ZFP62: variants seen among roughly 807,000 people sequenced by gnomAD.
ZFP62 encodes the protein zinc finger protein 62 homolog.
ZFP62 carries 44 observed loss-of-function variants against 56.4 expected under a neutral mutation model. That is an observed-to-expected ratio of 0.78 (90% confidence interval 0.61 to 1.00). The LOEUF (loss-of-function observed/expected upper bound fraction) is 1.00, where lower values mean the gene tolerates loss of function less well. Ranked by LOEUF, ZFP62 falls within the 50% of genes least tolerant of loss-of-function variation. The pLI is 0.00. For missense variants in ZFP62, 1,030 were observed against 1,085.7 expected (o/e 0.95, Z 0.72); for synonymous variants, 421 against 388.9 (o/e 1.08, Z -0.97).
intron 1 of ZFP62, among the ~76,000 whole-genome samples, chr5:180,859,989 A>G (rs149735799): frequency 0.058 from 8,882 of 152,308 alleles, 336 homozygotes; most frequent in Non-Finnish European, 0.085. Flanking sequence ...ATAGATCTAA[A>G]AAAGGACAGA....
chr5:180,859,894 G>A (rs1581979302), intron 1 of ZFP62, among the ~76,000 whole-genome samples: 1 of 152,184 alleles, frequency 6.6e-6, no homozygotes, highest in South Asian at 2.1e-4. Context: ...AGTTTCTTCT[G>A]TAAAAATCCC....
the ZFP62 span, among the ~76,000 whole-genome samples, chr5:180,838,132 C>T: frequency 6.6e-6 from 1 of 152,122 alleles, no homozygotes; most frequent in African/African-American, 2.4e-5. Context: ...CAATTCAGCT[C>T]CCGTTACACA....
At chr5:180,839,504 C>T in the ZFP62 span, among the ~76,000 whole-genome samples, 1 of 152,170 alleles carries the variant, frequency 6.6e-6, no homozygotes, top group Admixed American at 6.5e-5. Context: ...AGAACTAATG[C>T]TGCAACGGAA....
chr5:180,846,897 T>C (rs768702809), downstream of ZFP62, among the ~76,000 whole-genome samples: 3 of 152,186 alleles, frequency 2.0e-5, no homozygotes, highest in Non-Finnish European at 2.9e-5. Flanking sequence ...CTTGCCAGTG[T>C]CATGTGCAAA....
At chr5:180,852,659 A>G (rs1326855953) in intron 1 of ZFP62, among the ~76,000 whole-genome samples, 1 of 152,216 alleles carries the variant, frequency 6.6e-6, no homozygotes, top group Non-Finnish European at 1.5e-5. Flanking sequence ...AAAGCTGTAC[A>G]AATGCCAGAA....
In ZFP62 at chr5:180,848,652, C is replaced by T. The variant is rs571491304; in HGVS notation, c.*140G>A. ...TTTCTTGCTTGCTATGATTGAAAAT[C>T]ACATAGAAAGGATTCCTCATAATCC... On this transcript the variant is annotated 3_prime_UTR_variant, in exon 2 of 2. Coordinates refer to ENST00000502412, the MANE Select transcript of ZFP62 (RefSeq NM_001172638.2). 1.5e-4 allele frequency: 208 copies of T among 1,375,800 alleles called. 1 individual carries two copies. In the Middle Eastern group the frequency reaches 1.7e-3, roughly 11 times the overall value. 85.2% of individuals were successfully genotyped at this position (1,375,800 alleles called of 1,614,324 possible).
At chr5:180,842,184 T>C in the ZFP62 span, among the ~76,000 whole-genome samples, 1 of 152,134 alleles carries the variant, frequency 6.6e-6, no homozygotes, top group African/African-American at 2.4e-5. Context: ...AGATCCAGAA[T>C]GAAGCCTGGG....
the ZFP62 span, among the ~76,000 whole-genome samples, chr5:180,838,666 A>T: frequency 6.6e-6 from 1 of 152,148 alleles, no homozygotes; most frequent in East Asian, 1.9e-4. Flanking sequence ...GGAAGGAAAA[A>T]GTTTTATACT....
intron 1 of ZFP62, among the ~76,000 whole-genome samples, chr5:180,854,785 AG>A (rs759516458): frequency 1.2e-4 from 19 of 152,156 alleles, no homozygotes; most frequent in Non-Finnish European, 2.2e-4. Context: ...TGGAGAGAAG[AG>A]GGGGGACTGT....
the ZFP62 span, chr5:180,831,367 G>A: frequency 6.6e-6 from 1 of 152,276 alleles, no homozygotes; most frequent in Non-Finnish European, 1.5e-5. Context: ...CACAGGCCGG[G>A]AGAAGAGGGG....
chr5:180,829,213 T>A, the ZFP62 span, among the ~76,000 whole-genome samples: 1 of 142,580 alleles, frequency 7.0e-6, no homozygotes, highest in Non-Finnish European at 1.5e-5. Context: ...TTGTCCTGTT[T>A]CCTCAGAGGC....
the ZFP62 span, chr5:180,835,543 T>A: frequency 6.6e-6 from 1 of 152,240 alleles, no homozygotes; most frequent in Non-Finnish European, 1.5e-5. Flanking sequence ...TCTTCCTCTG[T>A]GGATTGATAT....
chr5:180,834,458 G>A, the ZFP62 span: 1 of 152,136 alleles, frequency 6.6e-6, no homozygotes, highest in African/African-American at 2.4e-5. Context: ...CATCGCAGTG[G>A]CCTTATAAAA....
chr5:180,844,109 TTTG>T (rs1447190380), downstream of ZFP62, among the ~76,000 whole-genome samples: 4 of 152,374 alleles, frequency 2.6e-5, no homozygotes, highest in East Asian at 3.8e-4. Context: ...CAACCTTGAC[TTTG>T]TTGTTCTTTG....
chr5:180,853,228 G>T (rs781769412), intron 1 of ZFP62, among the ~76,000 whole-genome samples: 1 of 152,154 alleles, frequency 6.6e-6, no homozygotes, highest in African/African-American at 2.4e-5. Context: ...TATACACAAC[G>T]GAGTACTGAA....
downstream of ZFP62, among the ~76,000 whole-genome samples, chr5:180,843,814 A>G (rs1323352866): frequency 2.0e-5 from 3 of 152,264 alleles, no homozygotes; most frequent in Non-Finnish European, 2.9e-5. Flanking sequence ...CAGAACATGC[A>G]TTCTTTTCAA....
At chr5:180,852,554 CAAAAA>C (rs36030316) in intron 1 of ZFP62, among the ~76,000 whole-genome samples, 2 of 109,462 alleles carry the variant, frequency 1.8e-5, no homozygotes, top group Non-Finnish European at 1.9e-5. Flanking sequence ...CTCCGTCTCA[CAAAAA>C]AAAAAAAAAA....
the ZFP62 span, among the ~76,000 whole-genome samples, chr5:180,838,169 T>TG: frequency 2.0e-5 from 3 of 152,090 alleles, no homozygotes; most frequent in East Asian, 3.9e-4. Context: ...GATTCTGTTG[T>TG]GGGGGGACAG....
chr5:180,842,430 C>A, the ZFP62 span, among the ~76,000 whole-genome samples: 1 of 152,184 alleles, frequency 6.6e-6, no homozygotes, highest in African/African-American at 2.4e-5. Context: ...AAATAAAACA[C>A]AGTGAAACTG....
Sources: gnomAD v4.1 joint callset for allele counts (sites outside exome capture counted in the v4.1 genomes callset) on GRCh38, gnomAD v4.1.1 for gene constraint, MANE v1.5 for transcripts, NCBI Gene and HGNC (gene_info 2026-07-23, HGNC 2026-07-21) for gene names.